The following SPIRE1 variants were observed in gnomAD, a reference collection of about 807,000 sequenced individuals.
SPIRE1 encodes spire type actin nucleation factor 1.
A neutral mutation model predicts 94.1 loss-of-function variants in SPIRE1; 40 were observed. That is an observed-to-expected ratio of 0.43 (90% confidence interval 0.33 to 0.55). SPIRE1 has a LOEUF of 0.55. Ranked by LOEUF, SPIRE1 falls within the 20% of genes least tolerant of loss-of-function variation. The pLI is 0.06. For synonymous variants in SPIRE1, 376 were observed against 371.7 expected, an observed-to-expected ratio of 1.01 and a Z score of -0.13; for missense variants, 838 against 975.2, an observed-to-expected ratio of 0.86 and a Z score of 1.87.
intron 1 of SPIRE1, among the ~76,000 whole-genome samples, chr18:12,643,849 A>C (rs372011042): frequency 2.9e-4 from 44 of 152,156 alleles, no homozygotes; most frequent in African/African-American, 1.0e-3. Flanking sequence ...TTATGAATAC[A>C]GTACTATTCT....
chr18:12,489,424 T>C (rs1402808737), intron 8 of SPIRE1, among the ~76,000 whole-genome samples: 1 of 152,192 alleles, frequency 6.6e-6, no homozygotes, highest in Non-Finnish European at 1.5e-5. Flanking sequence ...CTTGAATATA[T>C]CTTTTGAAAT....
At chr18:12,597,842 C>T (rs1399175952) in intron 2 of SPIRE1, among the ~76,000 whole-genome samples, 3 of 152,188 alleles carry the variant, frequency 2.0e-5, no homozygotes, top group Admixed American at 6.5e-5. Context: ...GGCACAGATG[C>T]CCACATGACT....
intron 2 of SPIRE1, among the ~76,000 whole-genome samples, chr18:12,623,083 A>G (rs1598547234): frequency 6.6e-6 from 1 of 151,616 alleles, no homozygotes; most frequent in East Asian, 1.9e-4. Flanking sequence ...AGCCACTATC[A>G]CTAAGCAGTA....
At chr18:12,524,680 A>C (rs2069903794) in intron 4 of SPIRE1, among the ~76,000 whole-genome samples, 1 of 152,164 alleles carries the variant, frequency 6.6e-6, no homozygotes, top group Admixed American at 6.5e-5. Flanking sequence ...ATTACACATT[A>C]AAGTAATAAC....
At chr18:12,504,009 ATGAGGC>A in intron 6 of SPIRE1, among the ~76,000 whole-genome samples, 1 of 147,480 alleles carries the variant, frequency 6.8e-6, no homozygotes, top group East Asian at 1.9e-4. Flanking sequence ...GTCAGAGAGA[ATGAGGC>A]TGACCCTCAG....
At chr18:12,540,996 G>C (rs2034998812) in intron 3 of SPIRE1, among the ~76,000 whole-genome samples, 1 of 152,206 alleles carries the variant, frequency 6.6e-6, no homozygotes, top group South Asian at 2.1e-4. Flanking sequence ...AAAGTGCTGG[G>C]ATTATAGGTG....
intron 2 of SPIRE1, among the ~76,000 whole-genome samples, chr18:12,610,040 C>T (rs1183346069): frequency 6.6e-6 from 1 of 151,942 alleles, no homozygotes; most frequent in Non-Finnish European, 1.5e-5. Context: ...TTGCTCCTCA[C>T]TGATGCTTCC....
chr18:12,619,377 A>G lies in SPIRE1; in HGVS notation c.372+15685T>C, dbSNP rs372512305. Among the ~76,000 whole-genome samples, 14 of 151,782 alleles carry G rather than the reference A, an allele frequency of 9.2e-5. No individual in the cohort carries two copies. The South Asian group carries it at 1.3e-3, about 14-fold the overall frequency. On this transcript the variant is annotated intron_variant, in intron 2 of 16. Transcript: ENST00000409402. Reference sequence around the variant, plus strand: ...CAAAAAATTAGCCAGGCGTGGTGGCAGGCGCCTGTAATCCCAGCTACTCGG... The same window carrying G: ...CAAAAAATTAGCCAGGCGTGGTGGCGGGCGCCTGTAATCCCAGCTACTCGG...
chr18:12,609,950 T>G (rs9958409), intron 2 of SPIRE1, among the ~76,000 whole-genome samples: 1 of 151,776 alleles, frequency 6.6e-6, no homozygotes, highest in Non-Finnish European at 1.5e-5. Flanking sequence ...CTGAATCTCC[T>G]CAGGATCAAT....
chr18:12,509,228 T>C (rs754036039), intron 5 of SPIRE1, among the ~76,000 whole-genome samples: 3 of 152,222 alleles, frequency 2.0e-5, no homozygotes, highest in Non-Finnish European at 2.9e-5. Context: ...GTAATTCACT[T>C]AGTGGTCTTA....
intron 2 of SPIRE1, among the ~76,000 whole-genome samples, chr18:12,573,615 A>G (rs1317837752): frequency 6.6e-6 from 1 of 152,384 alleles, no homozygotes; most frequent in East Asian, 1.9e-4. Context: ...TAATATTCAA[A>G]GATAAAAAAG....
intron 6 of SPIRE1, among the ~76,000 whole-genome samples, chr18:12,505,122 A>G (rs369556678): frequency 6.6e-6 from 1 of 152,170 alleles, no homozygotes; most frequent in Non-Finnish European, 1.5e-5. Flanking sequence ...TGACATGATC[A>G]TATTTTTTAC....
At chr18:12,487,701 T>G (rs897847503) in intron 8 of SPIRE1, among the ~76,000 whole-genome samples, 2 of 152,186 alleles carry the variant, frequency 1.3e-5, no homozygotes, top group African/African-American at 4.8e-5. Flanking sequence ...CTATCATTTC[T>G]TAAAAATGAA....
intron 9 of SPIRE1, among the ~76,000 whole-genome samples, chr18:12,481,878 C>G (rs984486722): frequency 3.3e-5 from 5 of 152,144 alleles, no homozygotes; most frequent in African/African-American, 1.2e-4. Context: ...GAATTGTTGA[C>G]ATTTTGTGGG....
chr18:12,588,841 A>G (rs1427135377), intron 2 of SPIRE1, among the ~76,000 whole-genome samples: 1 of 152,152 alleles, frequency 6.6e-6, no homozygotes, highest in Admixed American at 6.5e-5. Flanking sequence ...GCTTCAATTT[A>G]AATTTCTTTT....
upstream of SPIRE1, among the ~76,000 whole-genome samples, chr18:12,660,765 T>A (rs2038681452): frequency 6.6e-6 from 1 of 152,178 alleles, no homozygotes; most frequent in East Asian, 1.9e-4. Flanking sequence ...CTTTTTTTTT[T>A]ATTGCCAAGT....
chr18:12,622,746 T>C (rs2037512334), intron 2 of SPIRE1, among the ~76,000 whole-genome samples: 2 of 152,188 alleles, frequency 1.3e-5, no homozygotes, highest in Admixed American at 6.5e-5. Context: ...ATCTTTAACA[T>C]GACCTGTAAT....
intron 2 of SPIRE1, among the ~76,000 whole-genome samples, chr18:12,556,189 T>C (rs1182512521): frequency 6.6e-6 from 1 of 152,148 alleles, no homozygotes; most frequent in Non-Finnish European, 1.5e-5. Context: ...TAGTCGATGT[T>C]CATGGATTGG....
chr18:12,621,126 T>C (rs965276156), intron 2 of SPIRE1, among the ~76,000 whole-genome samples: 2 of 152,094 alleles, frequency 1.3e-5, no homozygotes, highest in Non-Finnish European at 2.9e-5. Context: ...CACATGAAAA[T>C]AGGCTCAACA....
Sources: gnomAD v4.1 joint callset for allele counts (sites outside exome capture counted in the v4.1 genomes callset) on GRCh38, gnomAD v4.1.1 for gene constraint, MANE v1.5 for transcripts, NCBI Gene and HGNC (gene_info 2026-07-23, HGNC 2026-07-21) for gene names.